Variants in KIFC1 observed in about 807,000 individuals in gnomAD.
KIFC1 encodes kinesin-like protein KIFC1.
In KIFC1, 37 loss-of-function variants were observed where a neutral mutation model predicts 66.6. The observed-to-expected ratio is 0.56, with a 90% CI of 0.43 to 0.73. The LOEUF is 0.73. Among genes scored for constraint, KIFC1 ranks in the 30% least tolerant of loss-of-function variants. The probability of loss-of-function intolerance (pLI) is 0.00; values close to 1 mark genes in which losing one functional copy is unlikely to be tolerated. For synonymous variants in KIFC1, 325 were observed against 343.5 expected (o/e 0.95, Z 0.60); for missense variants, 721 against 859.8 (o/e 0.84, Z 2.02).
At chr6:33,395,474 A>G (rs1774987138) in intron 1 of KIFC1, among the ~76,000 whole-genome samples, 1 of 152,182 alleles carries the variant, frequency 6.6e-6, no homozygotes, top group African/African-American at 2.4e-5. Flanking sequence ...GAGCAGGGCC[A>G]TCCACCTCTG....
chr6:33,403,163 A>G lies in KIFC1; in HGVS notation c.251-151A>G, dbSNP rs1239005392. 2.8e-6 allele frequency: 2 copies of G among 718,124 alleles called. No homozygotes were observed. The highest frequency in any genetic ancestry group is 2.5e-5 in the East Asian group (1 of 40,234). 44.5% of individuals were successfully genotyped at this position (718,124 alleles called of 1,614,324 possible). On this transcript the variant is annotated intron_variant, in intron 3 of 10. Transcript: ENST00000428849. This position sits in a 1 kb window ranked among gnomAD's most constrained non-coding sequence, Gnocchi z 4.6. ...AATTTCTGGTTCTAGGGGAGGTATC[A>G]TTAGGAGCTGGCCAGACTTAGGGAT... is the stretch of plus-strand genomic sequence containing the variant.
chr6:33,405,588 C>T lies in KIFC1; in HGVS notation c.1493C>T (p.Thr498Ile), dbSNP rs555069021. 37 of 1,554,496 alleles carry T rather than the reference C, an allele frequency of 2.4e-5. No homozygotes were observed. In the South Asian group the frequency reaches 4.1e-4, roughly 17 times the overall value. ...GCAGGGCCAGGGAGTGAGGAGCTCA[C>T]TGTCACCAATGCTCGATATGTCCCT... is the stretch of plus-strand genomic sequence containing the variant. The part of the protein sequence containing the change: ...RRAGPGSEEL[T>I]VTNARYVPVS... Residue 498 changes from threonine (T) to isoleucine (I), a missense_variant, in exon 7 of 11, where the codon ACT (threonine) becomes ATT (isoleucine). By Grantham distance (89) the Thr-to-Ile change is moderately conservative. Coordinates refer to ENST00000428849, the MANE Select transcript of KIFC1 (RefSeq NM_002263.4). This position sits in a 1 kb window ranked among gnomAD's most constrained non-coding sequence, Gnocchi z 5.4.
rs1392500090 is a variant in KIFC1 at position 33,406,751 on chromosome 6, G to A, written c.1902-49G>A. 6.2e-7 allele frequency: 1 copy of A among 1,612,532 alleles called. No individual in the cohort carries two copies. The highest frequency in any genetic ancestry group is 1.1e-5 in the South Asian group (1 of 91,046). ...AAGGGGAACAGTGGAGACCTGTCCA[G>A]GCTCTGCTGGCCCCTAATGCTGGGG... On this transcript the variant is annotated intron_variant, in intron 9 of 10. Transcript: ENST00000428849. This position sits in a 1 kb window ranked among gnomAD's most constrained non-coding sequence, Gnocchi z 4.5.
intron 3 of KIFC1, among the ~76,000 whole-genome samples, chr6:33,402,538 A>G (rs1271721857): frequency 1.3e-5 from 2 of 151,986 alleles, no homozygotes; most frequent in South Asian, 2.1e-4. Context: ...CCTGGCCAAC[A>G]TGCTGAAAAC....
At position 33,401,336 on chromosome 6, in the gene KIFC1, G is replaced by A. The variant is rs186531673; in HGVS notation, c.251-1978G>A. Among the ~76,000 whole-genome samples the A allele has an allele frequency of 1.4e-5, 2 of 147,996 alleles. No individual in the cohort carries two copies. Among genetic ancestry groups the A allele is most frequent in the Admixed American group, 6.7e-5 (1 of 14,926 alleles). On this transcript the variant is annotated intron_variant, in intron 3 of 10. Coordinates refer to ENST00000428849, the MANE Select transcript of KIFC1 (RefSeq NM_002263.4). The surrounding 1 kb of genome is among the most constrained non-coding windows in gnomAD (Gnocchi z 4.5). ...TTTTTAGTAGAGATGGGGTTTCACC[G>A]TATTAGTCAGGATGGTCTCGATCTC...
chr6:33,409,832 G>C lies in KIFC1; in HGVS notation c.*142G>C. Reference sequence around the variant, plus strand: ...ATTGGGTGGAGGGCACCATGTCCCAGGGCTATCAAATAAAGAATAGTTTGG... The same window carrying C: ...ATTGGGTGGAGGGCACCATGTCCCACGGCTATCAAATAAAGAATAGTTTGG... On this transcript the variant is annotated 3_prime_UTR_variant, in exon 11 of 11. Coordinates refer to ENST00000428849, the MANE Select transcript of KIFC1 (RefSeq NM_002263.4). The C allele has an allele frequency of 1.3e-6, 1 of 798,454 alleles. No homozygotes were observed. The highest frequency in any genetic ancestry group is 2.0e-6 in the Non-Finnish European group (1 of 499,516). 49.5% of individuals were successfully genotyped at this position (798,454 alleles called of 1,614,324 possible). A position where few individuals can be genotyped will look rare whatever the true frequency, so the allele number is the denominator to read the frequency against.
rs148425649 is a variant in KIFC1 at position 33,405,561 on chromosome 6, G to C, written c.1466G>C (p.Arg489Pro). Residue 489 changes from arginine to proline, a missense_variant, in exon 7 of 11, where the codon CGT becomes CCT. By Grantham distance (103) the Arg-to-Pro change is moderately radical. Transcript: ENST00000428849. The surrounding 1 kb of genome is among the most constrained non-coding windows in gnomAD (Gnocchi z 5.4). The part of the protein sequence containing the change: ...KGQGGECEIR[R>P]AGPGSEELTV... ...CAAGGGGGCGAGTGTGAGATTCGCC[G>C]TGCAGGGCCAGGGAGTGAGGAGCTC... is the stretch of plus-strand genomic sequence containing the variant. The C allele has an allele frequency of 7.5e-6, 12 of 1,591,900 alleles. No individual in the cohort carries two copies. Among genetic ancestry groups the C allele is most frequent in the African/African-American group, 4.0e-5 (3 of 74,332 alleles).
intron 10 of KIFC1, chr6:33,407,136 T>C (rs3106193): frequency 1 from 1,265,505 of 1,265,660 alleles, 632,676 homozygotes; most frequent in Admixed American, 1. Context: ...TGGTTGGGCG[T>C]AGTAGCTCAT....
Position 33,405,120 on chromosome 6 carries a change from C to G in KIFC1, c.1025C>G (p.Ser342Cys). 1 of 1,614,170 alleles carries G rather than the reference C, an allele frequency of 6.2e-7. No individual in the cohort carries two copies. Among genetic ancestry groups the G allele is most frequent in the Non-Finnish European group, 8.5e-7 (1 of 1,180,032 alleles). ...LLFPSGPGGPSDPPTRLSLSR... is the reference protein window; with the variant it reads ...LLFPSGPGGPCDPPTRLSLSR... ...TTTCCCTCTGGCCCTGGTGGGCCCT[C>G]TGATCCTCCAACCCGCCTTAGCCTC... is the stretch of plus-strand genomic sequence containing the variant. Residue 342 changes from serine to cysteine, a missense_variant, in exon 7 of 11, where the codon TCT becomes TGT. By Grantham distance (112) the Ser-to-Cys change is moderately radical. Coordinates refer to ENST00000428849, the MANE Select transcript of KIFC1 (RefSeq NM_002263.4). This position sits in a 1 kb window ranked among gnomAD's most constrained non-coding sequence, Gnocchi z 5.4.
At chr6:33,391,714 C>T, upstream of KIFC1, 1 of 594,904 alleles carries the variant, frequency 1.7e-6, no homozygotes, top group South Asian at 2.0e-5. Flanking sequence ...GCCTGTCGGG[C>T]GGGGTGTGGC....
chr6:33,396,701 G>C (rs144666760), intron 1 of KIFC1, among the ~76,000 whole-genome samples: 2 of 146,414 alleles, frequency 1.4e-5, no homozygotes, highest in Admixed American at 1.4e-4. Flanking sequence ...TTTTTTTTGA[G>C]ACCGGAGTCT....
Position 33,409,703 on chromosome 6 carries a change from ATC to A in KIFC1, c.*15_*16del, listed in dbSNP as rs752059822. ...CAACAGGAAGTGAAGACGGATCCAG[ATC>A]TGTGTGTGTGTGTGTGTGTGTGTGT... On this transcript the variant is annotated 3_prime_UTR_variant, in exon 11 of 11. Transcript: ENST00000428849. 9.8e-6 allele frequency: 13 copies of A among 1,332,554 alleles called. No individual in the cohort carries two copies. The African/African-American group carries it at 1.9e-4, about 19-fold the overall frequency. 82.5% of individuals were successfully genotyped at this position (1,332,554 alleles called of 1,614,324 possible). A position where few individuals can be genotyped will look rare whatever the true frequency, so the allele number is the denominator to read the frequency against.
In KIFC1 at chr6:33,409,705, C is replaced by CTGTG. The variant is rs3066474; in HGVS notation, c.*61_*64dup. 9.9e-3 allele frequency: 12,486 copies of CTGTG among 1,256,380 alleles called. 97 individuals are homozygous for CTGTG. The highest frequency in any genetic ancestry group is 0.034 in the African/African-American group (1,807 of 53,234). 77.8% of individuals were successfully genotyped at this position (1,256,380 alleles called of 1,614,324 possible). On this transcript the variant is annotated 3_prime_UTR_variant, in exon 11 of 11. Coordinates refer to ENST00000428849, the MANE Select transcript of KIFC1 (RefSeq NM_002263.4). Reference sequence around the variant, plus strand: ...ACAGGAAGTGAAGACGGATCCAGATCTGTGTGTGTGTGTGTGTGTGTGTGT... The same window carrying CTGTG: ...ACAGGAAGTGAAGACGGATCCAGATCTGTGTGTGTGTGTGTGTGTGTGTGTGTGT...
intron 3 of KIFC1, among the ~76,000 whole-genome samples, chr6:33,402,407 A>G (rs1400558975): frequency 6.6e-6 from 1 of 152,212 alleles, no homozygotes; most frequent in Non-Finnish European, 1.5e-5. Flanking sequence ...GTTAGATATT[A>G]TAAGTAATCT....
Position 33,405,513 on chromosome 6 carries a change from T to C in KIFC1, c.1418T>C (p.Leu473Pro). Residue 473 changes from leucine to proline, a missense_variant, in exon 7 of 11, where the codon CTG (leucine) becomes CCG (proline). Physicochemically the swap from Leu to Pro is moderately conservative, Grantham distance 98 (BLOSUM62 -3). Coordinates refer to ENST00000428849, the MANE Select transcript of KIFC1 (RefSeq NM_002263.4). The surrounding 1 kb of genome is among the most constrained non-coding windows in gnomAD (Gnocchi z 5.4). ...EIYNETVRDLLATGTRKGQGG... is the reference protein window; with the variant it reads ...EIYNETVRDLPATGTRKGQGG... ...TACAATGAGACTGTCCGGGACCTGC[T>C]GGCCACTGGAACCCGGAAGGGTCAA... The C allele has an allele frequency of 6.2e-7, 1 of 1,612,666 alleles. No homozygotes were observed. Among genetic ancestry groups the C allele is most frequent in the Non-Finnish European group, 8.5e-7 (1 of 1,179,332 alleles).
In KIFC1 at chr6:33,404,798, C is replaced by T; in HGVS notation, c.757-54C>T. 2.0e-6 allele frequency: 3 copies of T among 1,516,012 alleles called. No homozygotes were observed. The highest frequency in any genetic ancestry group is 4.6e-5 in the East Asian group (2 of 43,940). 93.9% of individuals were successfully genotyped at this position (1,516,012 alleles called of 1,614,324 possible). The stretch of plus-strand genomic sequence containing the variant: ...CACTCCATACGCCCCACAGTTTGTT[C>T]TTCTTCTTGGTTGCATCTTACCCTC... On this transcript the variant is annotated intron_variant, in intron 6 of 10. Transcript: ENST00000428849. The surrounding 1 kb of genome is among the most constrained non-coding windows in gnomAD (Gnocchi z 4.0).
chr6:33,397,090 C>T (rs1377613788), intron 1 of KIFC1, among the ~76,000 whole-genome samples: 1 of 142,366 alleles, frequency 7.0e-6, no homozygotes, highest in African/African-American at 2.6e-5. Context: ...ATCGTTCAAG[C>T]GATTCTCCTC....
In KIFC1 at chr6:33,406,316, C is replaced by G; in HGVS notation, c.1657C>G (p.Arg553Gly). The G allele has an allele frequency of 1.2e-6, 2 of 1,614,230 alleles. No homozygotes were observed. Among genetic ancestry groups the G allele is most frequent in the Non-Finnish European group, 1.7e-6 (2 of 1,180,036 alleles). The change falls in exon 8 of 11, where the codon CGA becomes GGA. Residue 553 changes from arginine (R) to glycine (G), a missense_variant. Coordinates refer to ENST00000428849, the MANE Select transcript of KIFC1 (RefSeq NM_002263.4). This position sits in a 1 kb window ranked among gnomAD's most constrained non-coding sequence, Gnocchi z 4.5. ...ACAGATTTCTGGGGAGCACTCCAGC[C>G]GAGGCCTGCAGTGTGGGGCCCCCCT... ...QLQISGEHSS[R>G]GLQCGAPLSL...
At position 33,400,513 on chromosome 6, in the gene KIFC1, A is replaced by G. The variant is rs1359570965; in HGVS notation, c.250+2126A>G. The G allele has an allele frequency of 6.3e-7, 1 of 1,590,180 alleles. No individual in the cohort carries two copies. Among genetic ancestry groups the G allele is most frequent in the Non-Finnish European group, 8.6e-7 (1 of 1,163,260 alleles). On this transcript the variant is annotated intron_variant, in intron 3 of 10. Coordinates refer to ENST00000428849, the MANE Select transcript of KIFC1 (RefSeq NM_002263.4). The surrounding 1 kb of genome is among the most constrained non-coding windows in gnomAD (Gnocchi z 4.3). Reference sequence around the variant, plus strand: ...ACCGACTTCACCTCTGGTGCACCTCAGGTATACGACCTTGATCTCGTTGGG... The same window carrying G: ...ACCGACTTCACCTCTGGTGCACCTCGGGTATACGACCTTGATCTCGTTGGG...
Sources: allele counts gnomAD v4.1 joint callset (sites outside exome capture counted in the v4.1 genomes callset), GRCh38; gene constraint gnomAD v4.1.1; non-coding constraint Gnocchi (gnomAD v3.1); transcripts MANE v1.5; gene names NCBI Gene and HGNC (gene_info 2026-07-23, HGNC 2026-07-21).